The following FAM228B variants were observed in gnomAD, a reference collection of about 807,000 sequenced individuals.
The protein encoded by FAM228B is family with sequence similarity 228 member B.
Under a neutral mutation model 42.6 loss-of-function variants are expected in FAM228B, and 38 were observed. The ratio of observed to expected loss-of-function variants is 0.89; its 90% CI spans 0.69 to 1.17. The LOEUF (loss-of-function observed/expected upper bound fraction) is 1.17, where lower values mean the gene tolerates loss of function less well. FAM228B is among the 50% of genes most tolerant of loss of function. FAM228B has a pLI of 0.00. For synonymous variants in FAM228B, 109 were observed against 122.3 expected (o/e 0.89, Z 0.72); for missense variants, 344 against 367.3 (o/e 0.94, Z 0.52).
chr2:24,144,519 C>T (rs143393708), intron 5 of FAM228B, among the ~76,000 whole-genome samples: 48 of 152,286 alleles, frequency 3.2e-4, no homozygotes, highest in Admixed American at 7.2e-4. Flanking sequence ...TGGAACACGT[C>T]ATCTAAGAGG....
At position 24,084,298 on chromosome 2, in the gene FAM228B, C is replaced by T. The variant is rs1165356527; in HGVS notation, c.-210+3343C>T. On this transcript the variant is annotated intron_variant, in intron 2 of 10. Transcript: ENST00000613899. The surrounding 1 kb of genome is among the most constrained non-coding windows in gnomAD (Gnocchi z 8.4). ...CTTCACGTAGAGGTTTTCCGGTCCT[C>T]CCGGCTTGTCAAAGTGCACGGCTAA... 1 of 1,613,978 alleles carries T rather than the reference C, an allele frequency of 6.2e-7. No homozygotes were observed. Among genetic ancestry groups the T allele is most frequent in the African/African-American group, 1.3e-5 (1 of 74,934 alleles).
At chr2:24,079,599 A>G in intron 1 of FAM228B, 1 of 1,614,156 alleles carries the variant, frequency 6.2e-7, no homozygotes, top group Non-Finnish European at 8.5e-7. Context: ...TTCTCCCAGT[A>G]GGATCCGCCT....
At chr2:24,168,971 T>G (rs946969434) in intron 10 of FAM228B, among the ~76,000 whole-genome samples, 1 of 152,284 alleles carries the variant, frequency 6.6e-6, no homozygotes, top group Admixed American at 6.5e-5. Context: ...GAATAGAGAA[T>G]TTAGAGGTTT....
chr2:24,121,231 C>T, upstream of FAM228B: 1 of 1,614,150 alleles, frequency 6.2e-7, no homozygotes, highest in South Asian at 1.1e-5. Context: ...AAATACAGTC[C>T]TTCTCTTCGG....
rs57620033 is a variant in FAM228B at position 24,094,029 on chromosome 2, C to CTT, written c.-209-1085_-209-1084dup. 8.5e-4 allele frequency among the ~76,000 whole-genome samples: 66 copies of CTT among 77,384 alleles called. 2 individuals carry two copies. Among genetic ancestry groups the CTT allele is most frequent in the African/African-American group, 2.8e-3 (57 of 20,070 alleles). 50.8% of individuals were successfully genotyped at this position (77,384 alleles called of 152,430 possible). A position where few individuals can be genotyped will look rare whatever the true frequency, so the allele number is the denominator to read the frequency against. Reference sequence around the variant, plus strand: ...TAGATCCCTGAGGAATCGCCACATACTTTTTTTTTTTTTTTTTTTTTTTTT... The same window carrying CTT: ...TAGATCCCTGAGGAATCGCCACATACTTTTTTTTTTTTTTTTTTTTTTTTTTT... On this transcript the variant is annotated intron_variant, in intron 2 of 10. Coordinates refer to the FAM228B transcript ENST00000613899.
chr2:24,086,365 A>G (rs527952570), intron 2 of FAM228B, among the ~76,000 whole-genome samples: 2 of 152,342 alleles, frequency 1.3e-5, no homozygotes, highest in East Asian at 3.9e-4. Flanking sequence ...AACATTCACT[A>G]AAGGATGGAT....
intron 7 of FAM228B, among the ~76,000 whole-genome samples, chr2:24,155,229 C>T (rs1271997393): frequency 1.3e-5 from 2 of 151,998 alleles, no homozygotes; most frequent in Non-Finnish European, 2.9e-5. Flanking sequence ...GTGAGCAAAT[C>T]ACATTAATGG....
intron 2 of FAM228B, among the ~76,000 whole-genome samples, chr2:24,090,750 A>G (rs562085042): frequency 2.8e-4 from 42 of 152,312 alleles, no homozygotes; most frequent in Non-Finnish European, 5.4e-4. Flanking sequence ...GCCATTCATT[A>G]TAAAACCTCC....
chr2:24,078,589 T>C (rs2150982389), intron 1 of FAM228B, among the ~76,000 whole-genome samples: 1 of 151,216 alleles, frequency 6.6e-6, no homozygotes, highest in East Asian at 1.9e-4. Context: ...TAAAGGGGGG[T>C]TACAGGTGAT....
chr2:24,120,225 T>C (rs1016700978), upstream of FAM228B, among the ~76,000 whole-genome samples: 2 of 151,554 alleles, frequency 1.3e-5, no homozygotes, highest in Admixed American at 1.3e-4. Context: ...GCCGAGATCG[T>C]GCCATTGCAC....
At chr2:24,088,479 T>C (rs1002655517) in intron 2 of FAM228B, among the ~76,000 whole-genome samples, 17 of 151,914 alleles carry the variant, frequency 1.1e-4, no homozygotes, top group African/African-American at 3.6e-4. Flanking sequence ...GCCTCCCAAG[T>C]AGCTGGGATT....
At position 24,141,709 on chromosome 2, in the gene FAM228B, G is replaced by A. The variant is rs149161470; in HGVS notation, c.441+2259G>A. Reference sequence around the variant, plus strand: ...CTAGTTTTTAAAATGGTATTTAGGGGATAATTTTTACCCTTTTTAGAGAGG... The same window carrying A: ...CTAGTTTTTAAAATGGTATTTAGGGAATAATTTTTACCCTTTTTAGAGAGG... On this transcript the variant is annotated intron_variant, in intron 5 of 10. Coordinates refer to ENST00000615575, the MANE Select transcript of FAM228B (RefSeq NM_001145710.2). 6.7e-3 allele frequency among the ~76,000 whole-genome samples: 1,015 copies of A among 152,322 alleles called. 8 individuals carry two copies. The highest frequency in any genetic ancestry group is 0.017 in the Middle Eastern group (5 of 294).
upstream of FAM228B, chr2:24,122,427 C>G: frequency 6.2e-7 from 1 of 1,610,736 alleles, no homozygotes; most frequent in Admixed American, 1.7e-5. Flanking sequence ...ACATTGAAAC[C>G]TGGTGATGCT....
At chr2:24,109,008 A>G (rs1222536306) in intron 3 of FAM228B, among the ~76,000 whole-genome samples, 1 of 152,044 alleles carries the variant, frequency 6.6e-6, no homozygotes, top group Non-Finnish European at 1.5e-5. Flanking sequence ...ACCTTACCCA[A>G]CTTCAAACTA....
At chr2:24,106,316 C>CTTTTTTTTTTTTTTTTTTTTTTTTTTTT (rs386389714) in intron 3 of FAM228B, among the ~76,000 whole-genome samples, 1 of 106,394 alleles carries the variant, frequency 9.4e-6, no homozygotes, top group Non-Finnish European at 1.8e-5. Context: ...ATTCAGCATT[C>CTTTTTTTTTTTTTTTTTTTTTTTTTTTT]TTTTTTTTTT....
chr2:24,101,591 A>G (rs1198219067), intron 3 of FAM228B, among the ~76,000 whole-genome samples: 1 of 152,182 alleles, frequency 6.6e-6, no homozygotes, highest in African/African-American at 2.4e-5. Flanking sequence ...AATTTTTCCC[A>G]ACATTTATAT....
Position 24,084,442 on chromosome 2 carries a change from AG to A in FAM228B, c.-210+3488del. 7.6e-7 allele frequency: 1 copy of A among 1,321,624 alleles called. No homozygotes were observed. The highest frequency in any genetic ancestry group is 1.6e-5 in the South Asian group (1 of 62,218). The allele number at this position is 1,321,624 out of a possible 1,614,324, so 81.9% of individuals were successfully genotyped here. A position where few individuals can be genotyped will look rare whatever the true frequency, so the allele number is the denominator to read the frequency against. On this transcript the variant is annotated intron_variant, in intron 2 of 10. Coordinates refer to the FAM228B transcript ENST00000613899. The surrounding 1 kb of genome is among the most constrained non-coding windows in gnomAD (Gnocchi z 8.4). ...AGGGGCCGCTGTATCCTCGCGGAGC[AG>A]CCCAGCCTCAGGCTGGCACCGCAGC...
intron 2 of FAM228B, among the ~76,000 whole-genome samples, chr2:24,132,265 C>T (rs1666471810): frequency 6.6e-6 from 1 of 152,156 alleles, no homozygotes; most frequent in African/African-American, 2.4e-5. Flanking sequence ...CATTGTACTT[C>T]AACAGGGATA....
intron 5 of FAM228B, 131 bp downstream of exon 5, chr2:24,139,581 T>C (rs2151019969): frequency 2.2e-6 from 1 of 459,130 alleles, no homozygotes; most frequent in Non-Finnish European, 3.9e-6. Context: ...TCCCATCGCC[T>C]GATCTTAGAA....
Sources: gnomAD v4.1 joint callset for allele counts (sites outside exome capture counted in the v4.1 genomes callset) on GRCh38, gnomAD v4.1.1 for gene constraint, Gnocchi (gnomAD v3.1) non-coding constraint, MANE v1.5 for transcripts, NCBI Gene and HGNC (gene_info 2026-07-23, HGNC 2026-07-21) for gene names.